Variants in SEMA3C observed in about 807,000 individuals in gnomAD.
The protein encoded by SEMA3C is semaphorin-3C.
Under a neutral mutation model 89.4 loss-of-function variants are expected in SEMA3C, and 47 were observed. The ratio of observed to expected loss-of-function variants is 0.53; its 90% CI spans 0.42 to 0.67. SEMA3C has a LOEUF of 0.67. Among genes scored for constraint, SEMA3C ranks in the 30% least tolerant of loss-of-function variants. The pLI, the probability that SEMA3C is intolerant of heterozygous loss-of-function variation, is 0.00. For missense variants in SEMA3C, 839 were observed against 929.1 expected (o/e 0.90, Z 1.26); for synonymous variants, 310 against 320.2 (o/e 0.97, Z 0.34).
intron 2 of SEMA3C, among the ~76,000 whole-genome samples, chr7:80,870,969 G>A (rs971667859): frequency 3.0e-4 from 45 of 152,168 alleles, no homozygotes; most frequent in African/African-American, 9.9e-4. Flanking sequence ...ACTGAGTTTA[G>A]ACCTTAATAC....
intron 11 of SEMA3C, among the ~76,000 whole-genome samples, chr7:80,795,532 G>A (rs1012595554): frequency 1.3e-5 from 2 of 152,150 alleles, no homozygotes; most frequent in African/African-American, 4.8e-5. Flanking sequence ...CACTGCTTTG[G>A]AACAGGAAAC....
chr7:80,864,766 C>T (rs1238445784), intron 2 of SEMA3C, among the ~76,000 whole-genome samples: 2 of 152,108 alleles, frequency 1.3e-5, no homozygotes, highest in East Asian at 3.9e-4. Flanking sequence ...TCTCATTTTC[C>T]CAAATGCCTA....
chr7:80,844,606 T>C (rs1790345855), intron 2 of SEMA3C, among the ~76,000 whole-genome samples: 1 of 152,146 alleles, frequency 6.6e-6, no homozygotes, highest in Non-Finnish European at 1.5e-5. Flanking sequence ...GTACATTACA[T>C]TGCTCAGAAA....
chr7:80,895,068 CCTTA>C (rs1211642304), intron 2 of SEMA3C, among the ~76,000 whole-genome samples: 5 of 152,276 alleles, frequency 3.3e-5, no homozygotes, highest in African/African-American at 9.6e-5. Context: ...CTGATTTCTT[CCTTA>C]CTGATTTATC....
chr7:80,842,564 A>G (rs1447924196), intron 2 of SEMA3C, among the ~76,000 whole-genome samples: 1 of 152,208 alleles, frequency 6.6e-6, no homozygotes, highest in Non-Finnish European at 1.5e-5. Context: ...AGAGGAAATG[A>G]GAAACCATGA....
intron 2 of SEMA3C, among the ~76,000 whole-genome samples, chr7:80,885,602 G>A (rs1489060667): frequency 6.6e-6 from 1 of 152,184 alleles, no homozygotes; most frequent in Non-Finnish European, 1.5e-5. Context: ...GAGCAACACA[G>A]TGAGACCCTA....
intron 2 of SEMA3C, among the ~76,000 whole-genome samples, chr7:80,912,422 T>C (rs1792174672): frequency 6.6e-6 from 1 of 152,198 alleles, no homozygotes; most frequent in South Asian, 2.1e-4. Flanking sequence ...GCAATTGTAT[T>C]TTATAACAGT....
At chr7:80,887,966 C>T (rs1435499149) in intron 2 of SEMA3C, among the ~76,000 whole-genome samples, 1 of 152,052 alleles carries the variant, frequency 6.6e-6, no homozygotes, top group Admixed American at 6.6e-5. Context: ...TAGATTTATG[C>T]TACTTGTCTG....
chr7:80,753,514 CA>C (rs1278416167), intron 15 of SEMA3C, among the ~76,000 whole-genome samples: 1 of 151,562 alleles, frequency 6.6e-6, no homozygotes, highest in African/African-American at 2.4e-5. Context: ...CATTGAAATG[CA>C]GAAAAAAACA....
chr7:80,881,312 C>T (rs1343750149), intron 2 of SEMA3C, among the ~76,000 whole-genome samples: 1 of 152,092 alleles, frequency 6.6e-6, no homozygotes, highest in African/African-American at 2.4e-5. Flanking sequence ...TACTTATAGT[C>T]TCTTAGCTGG....
intron 12 of SEMA3C, among the ~76,000 whole-genome samples, chr7:80,785,085 G>A (rs952324684): frequency 4.0e-5 from 6 of 151,708 alleles, no homozygotes; most frequent in African/African-American, 1.2e-4. Context: ...CTTGATATCT[G>A]GTAACACAAA....
At chr7:80,758,556 A>C in intron 14 of SEMA3C, 68 bp from the exon 15 acceptor site, 3 of 1,392,200 alleles carry the variant, frequency 2.2e-6, no homozygotes, top group Non-Finnish European at 3.1e-6. Context: ...GCAGGAACAC[A>C]TTATAATATA....
At chr7:80,796,629 G>A (rs1021372024) in intron 11 of SEMA3C, 4 of 152,226 alleles carry the variant, frequency 2.6e-5, no homozygotes, top group South Asian at 4.1e-4. Context: ...TTAGAGCTGC[G>A]AACATCAAAG....
intron 12 of SEMA3C, among the ~76,000 whole-genome samples, chr7:80,785,769 G>A (rs1003711646): frequency 3.3e-5 from 5 of 151,944 alleles, no homozygotes; most frequent in Non-Finnish European, 7.4e-5. Flanking sequence ...CCACCATGCC[G>A]GGATAATTTT....
intron 2 of SEMA3C, among the ~76,000 whole-genome samples, chr7:80,911,098 T>A (rs1792137063): frequency 1.3e-5 from 2 of 152,146 alleles, no homozygotes; most frequent in Non-Finnish European, 2.9e-5. Flanking sequence ...AGGGGGAATT[T>A]GGGATGATAT....
At chr7:80,851,828 T>C (rs1191673035) in intron 2 of SEMA3C, among the ~76,000 whole-genome samples, 1 of 151,990 alleles carries the variant, frequency 6.6e-6, no homozygotes, top group Admixed American at 6.5e-5. Context: ...TAAAAACAAA[T>C]TGAAATATAC....
chr7:80,847,407 C>G (rs1393691327), intron 2 of SEMA3C: 1 of 152,270 alleles, frequency 6.6e-6, no homozygotes, highest in South Asian at 2.1e-4. Context: ...CACGCAAATA[C>G]AAGCCCAAAT....
chr7:80,818,392 T>C lies in SEMA3C; in HGVS notation c.354A>G (p.Val118=), dbSNP rs1240532232. 6.2e-7 allele frequency: 1 copy of C among 1,613,326 alleles called. No individual in the cohort carries two copies. The highest frequency in any genetic ancestry group is 8.5e-7 in the Non-Finnish European group (1 of 1,179,374). The change falls in exon 5 of 18, where the codon GTA becomes GTG. Residue 118 remains valine (V), a synonymous_variant. Transcript: ENST00000265361. ...PTHGCGNFVR[V]IQTFNRTHLY... ...AATGTGTGCGATTGAAAGTCTGAAT[T>C]ACACGGACAAAGTTCCCACAGCCGT...
intron 2 of SEMA3C, among the ~76,000 whole-genome samples, chr7:80,906,644 T>C (rs1341581036): frequency 6.6e-6 from 1 of 152,210 alleles, no homozygotes; most frequent in African/African-American, 2.4e-5. Flanking sequence ...TGTCTACATA[T>C]AATTATGCGT....
Sources: allele counts gnomAD v4.1 joint callset (sites outside exome capture counted in the v4.1 genomes callset), GRCh38; gene constraint gnomAD v4.1.1; transcripts MANE v1.5; gene names NCBI Gene and HGNC (gene_info 2026-07-23, HGNC 2026-07-21).